TNNI3K: variants seen among roughly 807,000 people sequenced by gnomAD.
TNNI3K encodes serine/threonine-protein kinase TNNI3K.
In TNNI3K, 140 loss-of-function variants were observed where a neutral mutation model predicts 114.5. That is an observed-to-expected ratio of 1.22 (90% CI 1.07 to 1.41). The LOEUF is 1.41. TNNI3K is among the 40% of genes most tolerant of loss of function. TNNI3K has a pLI of 0.00. For missense variants in TNNI3K, 1,125 were observed against 1,007.6 expected (o/e 1.12, Z -1.58); for synonymous variants, 347 against 347.5 (o/e 1.00, Z 0.02).
intron 2 of TNNI3K, among the ~76,000 whole-genome samples, chr1:74,238,940 A>G (rs766583457): frequency 6.6e-6 from 1 of 152,102 alleles, no homozygotes; most frequent in Admixed American, 6.6e-5. Flanking sequence ...GAATCTCTGG[A>G]GATGTCTTCC....
At chr1:74,495,359 C>T (rs1669275992) in intron 23 of TNNI3K, among the ~76,000 whole-genome samples, 1 of 152,156 alleles carries the variant, frequency 6.6e-6, no homozygotes, top group South Asian at 2.1e-4. Context: ...TATGTATGTT[C>T]TATTCATTAC....
At chr1:74,266,642 T>C (rs868363462) in intron 4 of TNNI3K, among the ~76,000 whole-genome samples, 1 of 152,020 alleles carries the variant, frequency 6.6e-6, no homozygotes, top group South Asian at 2.1e-4. Flanking sequence ...AGTTGAAATT[T>C]TTTTGTTTAA....
chr1:74,540,401 A>G lies in TNNI3K; in HGVS notation c.2431+88A>G. 7 of 1,217,318 alleles carry G rather than the reference A, an allele frequency of 5.8e-6. 1 individual carries two copies. The South Asian group carries it at 7.0e-5, about 12-fold the overall frequency. 75.4% of individuals were successfully genotyped at this position (1,217,318 alleles called of 1,614,324 possible). The stretch of plus-strand genomic sequence containing the variant: ...GACAAAAAGGGAGAAAGCATTGCAT[A>G]TTGTAATATCCAAAATGACAGATGC... On this transcript the variant is annotated intron_variant, in intron 24 of 24. Coordinates refer to ENST00000326637, the MANE Select transcript of TNNI3K (RefSeq NM_015978.3).
chr1:74,376,320 C>A (rs115012431), intron 17 of TNNI3K, among the ~76,000 whole-genome samples: 149 of 152,074 alleles, frequency 9.8e-4, no homozygotes, highest in African/African-American at 3.4e-3. Context: ...TGTTAATTTT[C>A]TAATTTGTGT....
intron 17 of TNNI3K, among the ~76,000 whole-genome samples, chr1:74,426,929 T>C (rs1051098102): frequency 7.9e-5 from 12 of 152,036 alleles, no homozygotes; most frequent in Non-Finnish European, 1.5e-5. Context: ...GTAAGTAATA[T>C]AGGAAAAAGA....
chr1:74,342,949 C>A lies in TNNI3K; in HGVS notation c.790C>A (p.His264Asn). ...LLQSDLEVQP[H>N]VVNIYGDTPL... ...GCAAAGTGATTTGGAAGTTCAACCTCATGTTGTTAATATCTATGGAGATAC... is the reference window on the plus strand; with the variant it reads ...GCAAAGTGATTTGGAAGTTCAACCTAATGTTGTTAATATCTATGGAGATAC... Residue 264 changes from histidine to asparagine, a missense_variant, in exon 8 of 25, where the codon CAT becomes AAT. Transcript: ENST00000326637. The A allele has an allele frequency of 6.2e-7, 1 of 1,613,864 alleles. No homozygotes were observed. The highest frequency in any genetic ancestry group is 8.5e-7 in the Non-Finnish European group (1 of 1,179,892).
At chr1:74,309,077 A>C (rs893130115) in intron 5 of TNNI3K, among the ~76,000 whole-genome samples, 21 of 151,986 alleles carry the variant, frequency 1.4e-4, no homozygotes, top group Non-Finnish European at 2.9e-4. Context: ...AGGTGTAAAA[A>C]GAAGAGATAG....
At chr1:74,339,744 A>T (rs1320883441) in intron 7 of TNNI3K, among the ~76,000 whole-genome samples, 2 of 152,058 alleles carry the variant, frequency 1.3e-5, no homozygotes, top group African/African-American at 4.8e-5. Context: ...GTAATGAAAA[A>T]GGAGAAATAT....
chr1:74,391,965 T>TTTA (rs1663803426), intron 17 of TNNI3K, among the ~76,000 whole-genome samples: 1 of 136,288 alleles, frequency 7.3e-6, no homozygotes, highest in African/African-American at 2.8e-5. Context: ...TTATTTTTTT[T>TTTA]TTTTTTTTTT....
At chr1:74,439,415 C>A (rs1666276363) in intron 19 of TNNI3K, 75 bp from the exon 20 acceptor site, 3 of 1,552,738 alleles carry the variant, frequency 1.9e-6, no homozygotes. Flanking sequence ...TAAATTCTCA[C>A]TAAGAAGAAT....
Position 74,236,087 on chromosome 1 carries a change from G to T in TNNI3K, c.41-15G>T. 1 of 1,595,814 alleles carries T rather than the reference G, an allele frequency of 6.3e-7. No individual in the cohort carries two copies. Among genetic ancestry groups the T allele is most frequent in the Non-Finnish European group, 8.6e-7 (1 of 1,169,278 alleles). On this transcript the variant is annotated splice_polypyrimidine_tract_variant and intron_variant, in intron 1 of 24. Transcript: ENST00000326637. ...ACACAACTATGAATCAATCTCATTT[G>T]TTCTTCTTTACTAGATGAATGGAAG...
intron 5 of TNNI3K, among the ~76,000 whole-genome samples, chr1:74,296,570 A>G (rs1488021189): frequency 6.6e-6 from 1 of 151,956 alleles, no homozygotes; most frequent in Non-Finnish European, 1.5e-5. Flanking sequence ...TGCTTGAAGA[A>G]TTTCCTTTAA....
chr1:74,433,480 A>T (rs1379155248), intron 17 of TNNI3K, among the ~76,000 whole-genome samples: 2 of 152,150 alleles, frequency 1.3e-5, no homozygotes, highest in Non-Finnish European at 2.9e-5. Context: ...TTTCATTATT[A>T]CTGAGTGGTT....
chr1:74,336,831 A>G (rs1490996725), intron 7 of TNNI3K, among the ~76,000 whole-genome samples: 1 of 152,072 alleles, frequency 6.6e-6, no homozygotes, highest in Non-Finnish European at 1.5e-5. Flanking sequence ...GTGTCTTTAT[A>G]GCAGCATGAT....
At chr1:74,494,368 G>C (rs1297255245) in intron 23 of TNNI3K, among the ~76,000 whole-genome samples, 3 of 152,158 alleles carry the variant, frequency 2.0e-5, no homozygotes, top group African/African-American at 7.2e-5. Flanking sequence ...ATGAAGAGAT[G>C]GGACTCTGAT....
intron 20 of TNNI3K, among the ~76,000 whole-genome samples, chr1:74,439,894 A>T (rs1238528484): frequency 6.6e-6 from 1 of 152,086 alleles, no homozygotes; most frequent in Non-Finnish European, 1.5e-5. Flanking sequence ...CAAGCAAATA[A>T]CTATGATCAT....
intron 20 of TNNI3K, among the ~76,000 whole-genome samples, chr1:74,440,747 G>T (rs1012399476): frequency 6.6e-6 from 1 of 152,084 alleles, no homozygotes; most frequent in African/African-American, 2.4e-5. Flanking sequence ...TTATTATAGT[G>T]TGGATGTGTG....
chr1:74,327,125 G>A (rs1354891742), intron 5 of TNNI3K, among the ~76,000 whole-genome samples: 2 of 150,742 alleles, frequency 1.3e-5, no homozygotes, highest in African/African-American at 2.4e-5. Flanking sequence ...TGTGCAAATC[G>A]TGTTTAAATT....
At chr1:74,253,870 C>T (rs904801278) in intron 4 of TNNI3K, among the ~76,000 whole-genome samples, 4 of 152,134 alleles carry the variant, frequency 2.6e-5, no homozygotes, top group African/African-American at 9.7e-5. Context: ...GCACCAAGAG[C>T]GAGCGAGGGC....
Sources: gnomAD v4.1 joint callset for allele counts (sites outside exome capture counted in the v4.1 genomes callset) on GRCh38, gnomAD v4.1.1 for gene constraint, MANE v1.5 for transcripts, NCBI Gene and HGNC (gene_info 2026-07-23, HGNC 2026-07-21) for gene names.